ATP8A2: variants seen among roughly 807,000 people sequenced by gnomAD.
ATP8A2 encodes the protein ATPase phospholipid transporting 8A2.
Under a neutral mutation model 165.6 loss-of-function variants are expected in ATP8A2, and 100 were observed. That is an observed-to-expected ratio of 0.60 (90% CI 0.51 to 0.71). ATP8A2 has a LOEUF of 0.71. ATP8A2 is among the 30% of genes least tolerant of loss of function. The pLI, the probability that ATP8A2 is intolerant of heterozygous loss-of-function variation, is 0.00. For missense variants in ATP8A2, 1,227 were observed against 1,479.5 expected (o/e 0.83, Z 2.80); for synonymous variants, 543 against 548.8 (o/e 0.99, Z 0.15).
At chr13:25,791,005 A>G (rs2045156947) in intron 27 of ATP8A2, among the ~76,000 whole-genome samples, 1 of 152,228 alleles carries the variant, frequency 6.6e-6, no homozygotes, top group African/African-American at 2.4e-5. Context: ...CAGAACCACC[A>G]TTTGGCCAAC....
At chr13:26,012,477 G>T in intron 35 of ATP8A2, 54 bp from the exon 36 acceptor site, 4 of 1,426,588 alleles carry the variant, frequency 2.8e-6, no homozygotes, top group Non-Finnish European at 2.9e-6. Context: ...CTGTCTCCTT[G>T]TGCAACCCGA....
intron 24 of ATP8A2, among the ~76,000 whole-genome samples, chr13:25,669,175 C>A (rs1174031345): frequency 6.6e-6 from 1 of 151,820 alleles, no homozygotes; most frequent in Non-Finnish European, 1.5e-5. Flanking sequence ...AAATCAGATT[C>A]TCTCCCCTAA....
chr13:25,458,952 A>G (rs2035434559), intron 1 of ATP8A2, among the ~76,000 whole-genome samples: 1 of 152,172 alleles, frequency 6.6e-6, no homozygotes, highest in Admixed American at 6.5e-5. Context: ...AGCCCAGGTG[A>G]GGCAGAGCCA....
At chr13:25,864,647 CTTT>C (rs1212878577) in intron 33 of ATP8A2, among the ~76,000 whole-genome samples, 1 of 152,176 alleles carries the variant, frequency 6.6e-6, no homozygotes, top group Non-Finnish European at 1.5e-5. Flanking sequence ...GCTTATTTTT[CTTT>C]AAAACATGTC....
At chr13:25,785,765 G>T (rs1463063269) in intron 27 of ATP8A2, among the ~76,000 whole-genome samples, 1 of 152,180 alleles carries the variant, frequency 6.6e-6, no homozygotes, top group Non-Finnish European at 1.5e-5. Context: ...CCAAGATCAA[G>T]AATGGAGACT....
In ATP8A2 at chr13:25,559,522, ACT is replaced by A. The variant is rs558989590; in HGVS notation, c.1353-196_1353-195del. Among the ~76,000 whole-genome samples the A allele has an allele frequency of 2.6e-5, 4 of 152,276 alleles. No homozygotes were observed. In the South Asian group the frequency reaches 8.3e-4, roughly 32 times the overall value. Reference sequence around the variant, plus strand: ...ACTCTAGCCTGGGTGACAGAGTGAGACTCTGTCTCAAAACAAAAACAAAAACA... The same window carrying A: ...ACTCTAGCCTGGGTGACAGAGTGAGACTGTCTCAAAACAAAAACAAAAACA... On this transcript the variant is annotated intron_variant, in intron 14 of 36. Coordinates refer to ENST00000381655, the MANE Select transcript of ATP8A2 (RefSeq NM_016529.6).
At chr13:25,573,286 C>T (rs565396813) in intron 18 of ATP8A2, among the ~76,000 whole-genome samples, 1 of 152,218 alleles carries the variant, frequency 6.6e-6, no homozygotes, top group Non-Finnish European at 1.5e-5. Context: ...AGAACAGGCG[C>T]TTCCACTTCA....
intron 27 of ATP8A2, among the ~76,000 whole-genome samples, chr13:25,794,820 T>TACACACACACACACACACACAC (rs3053488): frequency 2.8e-4 from 39 of 139,610 alleles, no homozygotes; most frequent in East Asian, 2.0e-3. Context: ...TTCCCTCTCC[T>TACACACACACACACACACACAC]ACACACACAC....
intron 32 of ATP8A2, among the ~76,000 whole-genome samples, chr13:25,861,312 CT>C (rs970981608): frequency 6.6e-5 from 10 of 152,034 alleles, no homozygotes; most frequent in African/African-American, 2.2e-4. Context: ...TTTGTAATCC[CT>C]TTTAATTTAA....
chr13:25,622,714 A>G (rs1593670574), intron 24 of ATP8A2, among the ~76,000 whole-genome samples: 2 of 152,268 alleles, frequency 1.3e-5, no homozygotes, highest in African/African-American at 4.8e-5. Flanking sequence ...TCTCCAGGGG[A>G]ATAAAAGACC....
chr13:25,538,168 C>G (rs1465645791), intron 7 of ATP8A2, 107 bp downstream of exon 7: 6 of 659,810 alleles, frequency 9.1e-6, no homozygotes, highest in Admixed American at 2.4e-5. Context: ...CTACCATCCT[C>G]TCTCTGTCCC....
intron 24 of ATP8A2, among the ~76,000 whole-genome samples, chr13:25,627,425 G>A (rs1428385026): frequency 6.6e-5 from 10 of 152,142 alleles, no homozygotes; most frequent in Admixed American, 3.9e-4. Context: ...CTGACCCCCA[G>A]TGTGGCTGTA....
At chr13:25,382,238 T>C (rs1350467566) in intron 1 of ATP8A2, among the ~76,000 whole-genome samples, 1 of 152,242 alleles carries the variant, frequency 6.6e-6, no homozygotes, top group African/African-American at 2.4e-5. Context: ...GCATTTAACA[T>C]TCCCCCATGT....
intron 2 of ATP8A2, among the ~76,000 whole-genome samples, chr13:25,484,543 G>A (rs762760294): frequency 6.6e-6 from 1 of 151,924 alleles, no homozygotes; most frequent in Non-Finnish European, 1.5e-5. Flanking sequence ...TTGAGACAGA[G>A]TCTCGCTGTT....
chr13:25,453,980 G>T (rs1044506603), intron 1 of ATP8A2, among the ~76,000 whole-genome samples: 9 of 152,150 alleles, frequency 5.9e-5, no homozygotes, highest in African/African-American at 1.4e-4. Context: ...GAGGGCTGTG[G>T]CGGGAGGAAA....
chr13:25,950,669 CT>C (rs1359819072), intron 33 of ATP8A2: 1 of 152,114 alleles, frequency 6.6e-6, no homozygotes, highest in Non-Finnish European at 1.5e-5. Context: ...TCAGGGTTTC[CT>C]TTCTGGAGCT....
intron 1 of ATP8A2, among the ~76,000 whole-genome samples, chr13:25,407,250 A>C (rs1385715564): frequency 1.3e-5 from 2 of 152,232 alleles, no homozygotes; most frequent in African/African-American, 2.4e-5. Context: ...GGGAGGCAAG[A>C]CAGACTCATT....
intron 33 of ATP8A2, among the ~76,000 whole-genome samples, chr13:25,941,504 G>A (rs1471587270): frequency 1.3e-5 from 2 of 152,080 alleles, no homozygotes; most frequent in African/African-American, 2.4e-5. Flanking sequence ...TCTTACCTGC[G>A]CCGAAATGGA....
intron 33 of ATP8A2, among the ~76,000 whole-genome samples, chr13:25,862,760 A>G (rs969305216): frequency 6.6e-6 from 1 of 152,152 alleles, no homozygotes; most frequent in African/African-American, 2.4e-5. Context: ...TTCCTAATCC[A>G]TTGATTATGT....
Sources: allele counts gnomAD v4.1 joint callset (sites outside exome capture counted in the v4.1 genomes callset), GRCh38; gene constraint gnomAD v4.1.1; transcripts MANE v1.5; gene names NCBI Gene and HGNC (gene_info 2026-07-23, HGNC 2026-07-21).